Variants in SPTAN1 observed in about 807,000 individuals in gnomAD.
SPTAN1 encodes the protein spectrin alpha chain, non-erythrocytic 1.
A neutral mutation model predicts 331.3 loss-of-function variants in SPTAN1; 61 were observed. The ratio of observed to expected loss-of-function variants is 0.18; its 90% CI spans 0.15 to 0.23. The LOEUF (loss-of-function observed/expected upper bound fraction) is 0.23, where lower values mean the gene tolerates loss of function less well. Ranked by LOEUF, SPTAN1 falls within the 10% of genes least tolerant of loss-of-function variation. The pLI is 1.00. For missense variants in SPTAN1, 2,043 were observed against 3,147.9 expected (o/e 0.65, Z 8.40); for synonymous variants, 1,153 against 1,173.9 (o/e 0.98, Z 0.36).
In SPTAN1 at chr9:128,613,503, G is replaced by C; in HGVS notation, c.5148+18G>C. The C allele has an allele frequency of 1.9e-6, 3 of 1,607,010 alleles. No homozygotes were observed. Among genetic ancestry groups the C allele is most frequent in the Non-Finnish European group, 2.6e-6 (3 of 1,174,130 alleles). ...CCCATGAGGTAAGCAAAGGGAGGCG[G>C]GCCAGGCCCGAGTGCCTGGGACACA... On this transcript the variant is annotated intron_variant, in intron 40 of 56. Transcript: ENST00000372739.
In SPTAN1 at chr9:128,579,741, A is replaced by T; in HGVS notation, c.1323+3A>T. The T allele has an allele frequency of 6.2e-7, 1 of 1,612,878 alleles. No individual in the cohort carries two copies. The highest frequency in any genetic ancestry group is 1.1e-5 in the South Asian group (1 of 91,036). ...CCTCAGATGAAGTGAGGGAGAAGGT[A>T]AGAGAAGAGAAATGGAGCTTTTGAG... On this transcript the variant is annotated splice_donor_region_variant and intron_variant, in intron 10 of 56. Coordinates refer to ENST00000372739, the MANE Select transcript of SPTAN1 (RefSeq NM_001130438.3).
At chr9:128,620,512 T>A (rs761383095) in intron 44 of SPTAN1, among the ~76,000 whole-genome samples, 1 of 151,622 alleles carries the variant, frequency 6.6e-6, no homozygotes, top group Non-Finnish European at 1.5e-5. Context: ...AGGTCAGGAG[T>A]CCGAGACCAA....
intron 52 of SPTAN1, among the ~76,000 whole-genome samples, chr9:128,631,070 C>T (rs1859641535): frequency 6.6e-6 from 1 of 152,176 alleles, no homozygotes; most frequent in Admixed American, 6.5e-5. Context: ...GTCTGGAACT[C>T]CTGATCTCCA....
In SPTAN1 at chr9:128,584,297, A is replaced by G. The variant is rs1129922; in HGVS notation, c.2209A>G (p.Ile737Val). 2 of 1,614,246 alleles carry G rather than the reference A, an allele frequency of 1.2e-6. No individual in the cohort carries two copies. Among genetic ancestry groups the G allele is most frequent in the Non-Finnish European group, 1.7e-6 (2 of 1,180,046 alleles). ...VAAHQDRIDG[I>V]TIQARQFQDA... ...GCATTCCCAGGACCGAATTGATGGC[A>G]TCACCATTCAGGCCCGCCAGTTCCA... The change falls in exon 17 of 57, where the codon ATC becomes GTC. Residue 737 changes from isoleucine to valine, a missense_variant. Physicochemically the swap from Ile to Val is conservative, Grantham distance 29. Transcript: ENST00000372739.
At chr9:128,606,688 G>C (rs946396769) in intron 31 of SPTAN1, among the ~76,000 whole-genome samples, 1 of 151,796 alleles carries the variant, frequency 6.6e-6, no homozygotes, top group African/African-American at 2.4e-5. Flanking sequence ...GTTTCTCCAT[G>C]TTGGTCAGGC....
chr9:128,605,243 T>G, intron 30 of SPTAN1, 53 bp from the exon 31 acceptor site: 1 of 1,614,110 alleles, frequency 6.2e-7, no homozygotes, highest in Non-Finnish European at 8.5e-7. Flanking sequence ...AGTCTTCTGT[T>G]CTGCAGAGCA....
At chr9:128,574,890 A>G in intron 4 of SPTAN1, 75 bp downstream of exon 4, 1 of 1,604,456 alleles carries the variant, frequency 6.2e-7, no homozygotes, top group Non-Finnish European at 8.5e-7. Flanking sequence ...ATCTGTAGTG[A>G]GACCCAGTGT....
At chr9:128,608,682 A>G (rs1357421598) in intron 34 of SPTAN1, among the ~76,000 whole-genome samples, 192 bp from the exon 35 acceptor site, 1 of 152,082 alleles carries the variant, frequency 6.6e-6, no homozygotes, top group Non-Finnish European at 1.5e-5. Flanking sequence ...GTTAAACTCT[A>G]CTCTAGTAAT....
intron 35 of SPTAN1, 68 bp from the exon 36 acceptor site, chr9:128,609,054 C>G (rs972133957): frequency 1.9e-6 from 3 of 1,613,874 alleles, no homozygotes; most frequent in African/African-American, 2.7e-5. Context: ...CAGGCCTGTT[C>G]TGTCTCCCCA....
At chr9:128,565,397 A>G (rs978941277) in intron 1 of SPTAN1, among the ~76,000 whole-genome samples, 5 of 152,262 alleles carry the variant, frequency 3.3e-5, no homozygotes, top group Non-Finnish European at 5.9e-5. Flanking sequence ...TGGAAAAACA[A>G]TAATACAACA....
chr9:128,611,659 A>G (rs1165830599), intron 37 of SPTAN1, 55 bp from the exon 38 acceptor site: 1 of 1,607,392 alleles, frequency 6.2e-7, no homozygotes, highest in African/African-American at 1.3e-5. Context: ...CTTCCCCCTG[A>G]AAAGACATAA....
Position 128,627,651 on chromosome 9 carries a change from G to T in SPTAN1, c.6689+153G>T. ...GCTGGCAACGCCTGGTCGGGCTCTG[G>T]AGCCGGGAGTGGGGGCATAGGTGGA... is the stretch of plus-strand genomic sequence containing the variant. On this transcript the variant is annotated intron_variant, in intron 50 of 56. Coordinates refer to ENST00000372739, the MANE Select transcript of SPTAN1 (RefSeq NM_001130438.3). The surrounding 1 kb of genome is among the most constrained non-coding windows in gnomAD (Gnocchi z 4.9). 1 of 852,930 alleles carries T rather than the reference G, an allele frequency of 1.2e-6. No individual in the cohort carries two copies. 52.8% of individuals were successfully genotyped at this position (852,930 alleles called of 1,614,324 possible). A position where few individuals can be genotyped will look rare whatever the true frequency, so the allele number is the denominator to read the frequency against.
intron 1 of SPTAN1, chr9:128,555,388 C>T (rs969499362): frequency 3.9e-6 from 5 of 1,289,452 alleles, no homozygotes; most frequent in Non-Finnish European, 5.1e-6. Flanking sequence ...GTTTCGTAAA[C>T]GCAGAGTCCA....
rs147626525 is a variant in SPTAN1 at position 128,626,173 on chromosome 9, C to T, written c.6279+195C>T. ...CCTGTGAGATCGCCATTCAGAAGCA[C>T]GCAGGACAGACTAGAGACAAGGGCA... On this transcript the variant is annotated intron_variant, in intron 48 of 56. Transcript: ENST00000372739. The T allele has an allele frequency of 4.6e-4, 400 of 872,682 alleles. 3 individuals carry two copies. In the African/African-American group the frequency reaches 6.3e-3, roughly 14 times the overall value. The allele number at this position is 872,682 out of a possible 1,614,324, so 54.1% of individuals were successfully genotyped here.
intron 21 of SPTAN1, among the ~76,000 whole-genome samples, chr9:128,589,920 G>A (rs1285456779): frequency 1.3e-5 from 2 of 152,186 alleles, no homozygotes; most frequent in East Asian, 3.8e-4. Context: ...TCTCAGCCCA[G>A]CAGATCATTG....
At chr9:128,573,062 A>G (rs7039373) in intron 3 of SPTAN1, among the ~76,000 whole-genome samples, 147,468 of 152,306 alleles carry the variant, frequency 0.97, 71,551 homozygotes, top group Non-Finnish European at 1. Context: ...TGACATCTCA[A>G]TCATGGGTGG....
intron 24 of SPTAN1, 132 bp downstream of exon 24, chr9:128,594,505 A>G: frequency 1.2e-6 from 1 of 853,512 alleles, no homozygotes. Context: ...ACTTCGGCTC[A>G]CTGCAACCTC....
chr9:128,618,826 C>T, intron 43 of SPTAN1, 45 bp from the exon 44 acceptor site: 2 of 1,613,948 alleles, frequency 1.2e-6, no homozygotes, highest in Non-Finnish European at 1.7e-6. Context: ...ACAATCAAAG[C>T]TGGAGGAGAT....
At chr9:128,559,550 T>C (rs1849044446) in intron 1 of SPTAN1, among the ~76,000 whole-genome samples, 4 of 152,190 alleles carry the variant, frequency 2.6e-5, no homozygotes, top group Non-Finnish European at 1.5e-5. Flanking sequence ...TATTGTTCCA[T>C]GTGTAACTAT....
Sources: allele counts gnomAD v4.1 joint callset (sites outside exome capture counted in the v4.1 genomes callset), GRCh38; gene constraint gnomAD v4.1.1; non-coding constraint Gnocchi (gnomAD v3.1); transcripts MANE v1.5; gene names NCBI Gene and HGNC (gene_info 2026-07-23, HGNC 2026-07-21).